Variants in SMG6 observed in about 807,000 individuals in gnomAD.
SMG6 encodes telomerase-binding protein EST1A.
In SMG6, 66 loss-of-function variants were observed where a neutral mutation model predicts 142.2. The observed-to-expected ratio is 0.46, with a 90% CI of 0.38 to 0.57. The LOEUF is 0.57. SMG6 is among the 20% of genes least tolerant of loss of function. The probability of loss-of-function intolerance (pLI) is 0.00; values close to 1 mark genes in which losing one functional copy is unlikely to be tolerated. For missense variants in SMG6, 1,793 were observed against 1,832.0 expected (o/e 0.98, Z 0.39); for synonymous variants, 779 against 702.4 (o/e 1.11, Z -1.72).
Position 2,085,569 on chromosome 17 carries a change from G to A in SMG6, c.3534+156C>T, listed in dbSNP as rs975633243. Among the ~76,000 whole-genome samples the A allele has an allele frequency of 1.3e-5, 2 of 152,148 alleles. No homozygotes were observed. Among genetic ancestry groups the A allele is most frequent in the African/African-American group, 2.4e-5 (1 of 41,422 alleles). On this transcript the variant is annotated intron_variant, in intron 14 of 18. Coordinates refer to ENST00000263073, the MANE Select transcript of SMG6 (RefSeq NM_017575.5). The surrounding 1 kb of genome is among the most constrained non-coding windows in gnomAD (Gnocchi z 4.1). Reference sequence around the variant, plus strand: ...GCACCGGGGTGGACTGGCAGGAAGGGGCACCATCAGAGCACACTCTCGAGA... The same window carrying A: ...GCACCGGGGTGGACTGGCAGGAAGGAGCACCATCAGAGCACACTCTCGAGA...
chr17:2,172,598 A>G, intron 13 of SMG6, 60 bp downstream of exon 13: 1 of 1,572,012 alleles, frequency 6.4e-7, no homozygotes, highest in Non-Finnish European at 8.7e-7. Flanking sequence ...CCAAGAATAA[A>G]AAAGTCTGGA....
At chr17:2,257,435 C>T (rs759344134) in intron 8 of SMG6, among the ~76,000 whole-genome samples, 1 of 152,266 alleles carries the variant, frequency 6.6e-6, no homozygotes, top group South Asian at 2.1e-4. Context: ...CGAGCCACCA[C>T]GCCTGGCCCC....
In SMG6 at chr17:2,060,000, C is replaced by A. The variant is rs2067727344; in HGVS notation, c.*1492G>T. ...GCCGGGGACCCTGTACTCCAAAGAG[C>A]CCAGTCTTCTGAGACTCTAGGGGAC... On this transcript the variant is annotated 3_prime_UTR_variant, in exon 19 of 19. Transcript: ENST00000263073. The A allele has an allele frequency of 6.6e-6, 1 of 152,314 alleles. No individual in the cohort carries two copies. The highest frequency in any genetic ancestry group is 2.1e-4 in the South Asian group (1 of 4,840). 9.4% of individuals were successfully genotyped at this position (152,314 alleles called of 1,614,324 possible). A position where few individuals can be genotyped will look rare whatever the true frequency, so the allele number is the denominator to read the frequency against.
At position 2,244,323 on chromosome 17, in the gene SMG6, C is replaced by T. The variant is rs540984774; in HGVS notation, c.2723+335G>A. Among the ~76,000 whole-genome samples the T allele has an allele frequency of 5.9e-5, 9 of 152,064 alleles. No homozygotes were observed. The East Asian group carries it at 1.8e-3, about 30-fold the overall frequency. ...CTGACAGCTGCACCCAGGGATTTAG[C>T]ACAACTGCCCTGAGGCACTCACTAG... On this transcript the variant is annotated intron_variant, in intron 9 of 18. Coordinates refer to ENST00000263073, the MANE Select transcript of SMG6 (RefSeq NM_017575.5).
intron 8 of SMG6, among the ~76,000 whole-genome samples, chr17:2,250,945 G>A (rs528783055): frequency 2.5e-4 from 38 of 152,182 alleles, no homozygotes; most frequent in Admixed American, 2.1e-3. Flanking sequence ...GGCATAAGAG[G>A]AAACCAACAA....
chr17:2,279,406 C>A (rs2074732975), intron 8 of SMG6, among the ~76,000 whole-genome samples: 2 of 152,148 alleles, frequency 1.3e-5, no homozygotes, highest in South Asian at 4.1e-4. Context: ...GGATTTTAGA[C>A]CTGATTGTAA....
chr17:2,213,813 G>T (rs191962238), intron 10 of SMG6: 1 of 152,138 alleles, frequency 6.6e-6, no homozygotes, highest in Non-Finnish European at 1.5e-5. Context: ...CGGCTCAGCC[G>T]AGAACTTGAA....
intron 13 of SMG6, among the ~76,000 whole-genome samples, chr17:2,102,209 A>T (rs2069027235): frequency 6.6e-6 from 1 of 152,170 alleles, no homozygotes; most frequent in Non-Finnish European, 1.5e-5. Context: ...ATAAATTGAC[A>T]ATTTATATTT....
intron 12 of SMG6, among the ~76,000 whole-genome samples, chr17:2,178,150 G>T (rs2071702007): frequency 6.6e-6 from 1 of 152,228 alleles, no homozygotes; most frequent in Non-Finnish European, 1.5e-5. Context: ...TTTGCATTGG[G>T]CGAAGGATTT....
chr17:2,219,803 C>CA (rs72234069), intron 10 of SMG6, among the ~76,000 whole-genome samples: 356 of 118,072 alleles, frequency 3.0e-3, no homozygotes, highest in African/African-American at 7.0e-3. Flanking sequence ...GACCCTTTAT[C>CA]AAAAAAAAAA....
At chr17:2,258,149 A>G (rs2074235084) in intron 8 of SMG6, among the ~76,000 whole-genome samples, 1 of 151,808 alleles carries the variant, frequency 6.6e-6, no homozygotes. Flanking sequence ...TGCGTCTGTT[A>G]ACATTACAAC....
At chr17:2,196,542 A>G (rs1345320558) in intron 10 of SMG6, among the ~76,000 whole-genome samples, 4 of 152,364 alleles carry the variant, frequency 2.6e-5, no homozygotes, top group African/African-American at 7.2e-5. Context: ...AATTGCTATC[A>G]AAATCTTAGG....
At chr17:2,272,790 T>G in intron 8 of SMG6, among the ~76,000 whole-genome samples, 1 of 151,844 alleles carries the variant, frequency 6.6e-6, no homozygotes, top group East Asian at 1.9e-4. Flanking sequence ...TACTAAAAAT[T>G]AGCCGGGTGT....
At chr17:2,295,584 T>C (rs914978769) in intron 4 of SMG6, among the ~76,000 whole-genome samples, 3 of 152,168 alleles carry the variant, frequency 2.0e-5, no homozygotes, top group Admixed American at 6.5e-5. Context: ...AATCTTAACA[T>C]TTGACAGCTC....
chr17:2,151,086 C>A (rs1476897861), intron 13 of SMG6, among the ~76,000 whole-genome samples: 2 of 152,204 alleles, frequency 1.3e-5, no homozygotes, highest in Non-Finnish European at 2.9e-5. Context: ...TAAGCTGGCA[C>A]AGCACCAGCT....
chr17:2,192,981 T>C (rs969730361), intron 10 of SMG6, among the ~76,000 whole-genome samples: 2 of 152,218 alleles, frequency 1.3e-5, no homozygotes, highest in African/African-American at 4.8e-5. Context: ...AAATTATTCA[T>C]GCACAATGGC....
intron 13 of SMG6, among the ~76,000 whole-genome samples, chr17:2,123,082 G>A (rs539982891): frequency 1.3e-5 from 2 of 151,972 alleles, no homozygotes; most frequent in African/African-American, 4.8e-5. Context: ...CAATGCTGCC[G>A]CATAACGCTG....
intron 6 of SMG6, among the ~76,000 whole-genome samples, chr17:2,288,834 C>T (rs2074966519): frequency 6.6e-6 from 1 of 151,744 alleles, no homozygotes; most frequent in Admixed American, 6.6e-5. Context: ...AATCCCAGCA[C>T]TTTGGGAGGC....
At chr17:2,275,510 A>C (rs1273040418) in intron 8 of SMG6, among the ~76,000 whole-genome samples, 1 of 152,228 alleles carries the variant, frequency 6.6e-6, no homozygotes, top group East Asian at 1.9e-4. Flanking sequence ...GCAGACAGAC[A>C]TGTATTACAT....
Sources: allele counts gnomAD v4.1 joint callset (sites outside exome capture counted in the v4.1 genomes callset), GRCh38; gene constraint gnomAD v4.1.1; non-coding constraint Gnocchi (gnomAD v3.1); transcripts MANE v1.5; gene names NCBI Gene and HGNC (gene_info 2026-07-23, HGNC 2026-07-21).